The following CSMD1 variants were observed in gnomAD, a reference collection of about 807,000 sequenced individuals.
CSMD1 encodes CUB and sushi domain-containing protein 1.
A neutral mutation model predicts 417.5 loss-of-function variants in CSMD1; 213 were observed. That is an observed-to-expected ratio of 0.51 (90% CI 0.46 to 0.57). The LOEUF (loss-of-function observed/expected upper bound fraction) is 0.57. Among genes scored for constraint, CSMD1 ranks in the 20% least tolerant of loss-of-function variants. The pLI is 0.00. For synonymous variants in CSMD1, 2,862 were observed against 1,736.8 expected, an observed-to-expected ratio of 1.65 and a Z score of -16.11; for missense variants, 6,923 against 4,529.7, an observed-to-expected ratio of 1.53 and a Z score of -15.17.
At chr8:4,918,485 G>A (rs1806218962) in intron 1 of CSMD1, among the ~76,000 whole-genome samples, 1 of 151,916 alleles carries the variant, frequency 6.6e-6, no homozygotes, top group South Asian at 2.1e-4. Flanking sequence ...TGCACAATGT[G>A]TATGTCTGCT....
chr8:4,406,816 GTTGTC>G (rs1230527627), intron 3 of CSMD1, among the ~76,000 whole-genome samples: 1 of 152,166 alleles, frequency 6.6e-6, no homozygotes, highest in Non-Finnish European at 1.5e-5. Flanking sequence ...GACTAACAAA[GTTGTC>G]TTGTCAGTTA....
chr8:4,938,767 G>T (rs1473591626), intron 1 of CSMD1, among the ~76,000 whole-genome samples: 3 of 152,172 alleles, frequency 2.0e-5, no homozygotes, highest in African/African-American at 7.2e-5. Flanking sequence ...TGTGGCCTGT[G>T]GGTCAAGAAG....
chr8:4,947,400 A>G (rs1005235292), intron 1 of CSMD1, among the ~76,000 whole-genome samples: 4 of 145,892 alleles, frequency 2.7e-5, no homozygotes, highest in African/African-American at 9.8e-5. Context: ...ATAATTAATT[A>G]TGTCTAAGAA....
rs75775520 is a variant in CSMD1, at chr8:3,635,070, A to G, written c.1010-18273T>C. On this transcript the variant is annotated intron_variant, in intron 7 of 69. Coordinates refer to ENST00000635120, the MANE Select transcript of CSMD1 (RefSeq NM_033225.6). ...TGATAAAAAAAAAAATGGGATGCCT[A>G]TATAAGATACTTACTATAAACAGAG... Among the ~76,000 whole-genome samples the G allele has an allele frequency of 5.0e-3, 763 of 152,268 alleles. 19 individuals are homozygous for G. The East Asian group carries it at 0.077, about 15-fold the overall frequency.
intron 3 of CSMD1, among the ~76,000 whole-genome samples, chr8:4,168,863 A>G (rs1797606418): frequency 6.6e-6 from 1 of 152,078 alleles, no homozygotes; most frequent in Admixed American, 6.5e-5. Flanking sequence ...CAGTTGCTTT[A>G]GACACGGTGA....
At chr8:4,956,083 G>T (rs1330698401) in intron 1 of CSMD1, among the ~76,000 whole-genome samples, 2 of 152,138 alleles carry the variant, frequency 1.3e-5, no homozygotes, top group Non-Finnish European at 2.9e-5. Context: ...CCACTTAGGG[G>T]AGAGTTATTT....
chr8:4,476,831 T>C (rs1236327505), intron 2 of CSMD1, among the ~76,000 whole-genome samples: 1 of 152,234 alleles, frequency 6.6e-6, no homozygotes, highest in East Asian at 1.9e-4. Context: ...CGTACTTCCC[T>C]GGATTCCTTA....
At chr8:4,132,634 C>T (rs1049026333) in intron 3 of CSMD1, among the ~76,000 whole-genome samples, 1 of 152,100 alleles carries the variant, frequency 6.6e-6, no homozygotes, top group Non-Finnish European at 1.5e-5. Context: ...TCATTCTAAG[C>T]CAAATAAATA....
chr8:3,891,473 A>C (rs1806969186), intron 5 of CSMD1, among the ~76,000 whole-genome samples: 1 of 152,120 alleles, frequency 6.6e-6, no homozygotes, highest in African/African-American at 2.4e-5. Context: ...TGTATACAGG[A>C]GTTTGAGACC....
At chr8:3,413,215 C>T (rs1371660725) in intron 12 of CSMD1, among the ~76,000 whole-genome samples, 1 of 152,160 alleles carries the variant, frequency 6.6e-6, no homozygotes, top group Non-Finnish European at 1.5e-5. Flanking sequence ...CTCTGTGATA[C>T]TAAAGTTTAC....
chr8:3,028,105 C>T (rs965025975), intron 51 of CSMD1, among the ~76,000 whole-genome samples: 7 of 152,154 alleles, frequency 4.6e-5, no homozygotes, highest in African/African-American at 7.2e-5. Flanking sequence ...CTGTGCCAGC[C>T]GCAGAAGCCC....
At chr8:4,160,059 C>G (rs947346980) in intron 3 of CSMD1, among the ~76,000 whole-genome samples, 1 of 151,154 alleles carries the variant, frequency 6.6e-6, no homozygotes, top group Non-Finnish European at 1.5e-5. Context: ...AACCAAATAC[C>G]ACCTGTTCTC....
chr8:3,388,652 G>GC (rs1364841361), intron 17 of CSMD1, among the ~76,000 whole-genome samples: 1 of 152,078 alleles, frequency 6.6e-6, no homozygotes, highest in Non-Finnish European at 1.5e-5. Flanking sequence ...CTTGGGCCTG[G>GC]CCCCAATACT....
At chr8:4,726,580 G>A (rs1434542058) in intron 1 of CSMD1, among the ~76,000 whole-genome samples, 1 of 152,154 alleles carries the variant, frequency 6.6e-6, no homozygotes, top group African/African-American at 2.4e-5. Flanking sequence ...TGACAGGTGA[G>A]ACGTCTAGGG....
intron 3 of CSMD1, among the ~76,000 whole-genome samples, chr8:4,229,839 G>C (rs1801603235): frequency 6.6e-6 from 1 of 152,116 alleles, no homozygotes; most frequent in Non-Finnish European, 1.5e-5. Context: ...AGAGGGCCGG[G>C]ATTTTATCGC....
At chr8:3,846,140 A>G (rs940178203) in intron 5 of CSMD1, among the ~76,000 whole-genome samples, 87 of 152,214 alleles carry the variant, frequency 5.7e-4, no homozygotes, top group African/African-American at 1.7e-3. Flanking sequence ...ATGGTTGTTT[A>G]TGATCAGGAT....
In CSMD1 at chr8:4,797,969, C is replaced by G. The variant is rs559321682; in HGVS notation, c.86-160411G>C. ...ATATGTGCCTAGACTACAGTTTTCC[C>G]AAATGCATCTATGCAAAATTATTCC... On this transcript the variant is annotated intron_variant, in intron 1 of 69. Transcript: ENST00000635120. 2.0e-4 allele frequency among the ~76,000 whole-genome samples: 30 copies of G among 152,304 alleles called. No individual in the cohort carries two copies. The South Asian group carries it at 6.0e-3, about 30-fold the overall frequency.
At chr8:4,888,605 A>G (rs1357998027) in intron 1 of CSMD1, among the ~76,000 whole-genome samples, 3 of 152,056 alleles carry the variant, frequency 2.0e-5, no homozygotes, top group African/African-American at 4.8e-5. Context: ...TACGGCAGTG[A>G]CATCCCAACA....
intron 2 of CSMD1, among the ~76,000 whole-genome samples, chr8:4,462,160 C>A (rs909275044): frequency 6.6e-6 from 1 of 152,132 alleles, no homozygotes; most frequent in Non-Finnish European, 1.5e-5. Flanking sequence ...CAGGTGTGAG[C>A]CACCACACTC....
Sources: allele counts gnomAD v4.1 joint callset (sites outside exome capture counted in the v4.1 genomes callset), GRCh38; gene constraint gnomAD v4.1.1; transcripts MANE v1.5; gene names NCBI Gene and HGNC (gene_info 2026-07-23, HGNC 2026-07-21).